LYST: variants seen among roughly 807,000 people sequenced by gnomAD.
LYST encodes the protein lysosomal trafficking regulator.
A neutral mutation model predicts 413.6 loss-of-function variants in LYST; 192 were observed. The observed-to-expected ratio is 0.46, with a 90% CI of 0.41 to 0.52. The LOEUF is 0.52. LYST is among the 20% of genes least tolerant of loss of function. LYST has a pLI of 0.00. For missense variants in LYST, 3,815 were observed against 4,499.9 expected, an observed-to-expected ratio of 0.85 and a Z score of 4.35; for synonymous variants, 1,525 against 1,567.3, an observed-to-expected ratio of 0.97 and a Z score of 0.64.
intron 10 of LYST, among the ~76,000 whole-genome samples, chr1:235,796,593 G>A (rs1671577858): frequency 6.6e-6 from 1 of 152,204 alleles, no homozygotes; most frequent in Admixed American, 6.5e-5. Flanking sequence ...GTAGTGTTAA[G>A]AGATGGGATC....
chr1:235,791,774 T>G lies in LYST; in HGVS notation c.4468A>C (p.Thr1490Pro). Reference protein sequence around the residue: ...NVECIHEAESTTEKGKKIKKR... With the variant: ...NVECIHEAESPTEKGKKIKKR... The stretch of plus-strand genomic sequence containing the variant: ...TTTATCTTCTTTCCTTTTTCTGTAG[T>G]ACTCTCAGCTTCATGGATACACTCC... Residue 1490 changes from threonine (T) to proline (P), a missense_variant, in exon 12 of 53, where the codon ACT becomes CCT. By Grantham distance (38) the Thr-to-Pro change is conservative. This residue lies in a region of LYST where 1,648 missense variants were observed against 1,810.3 expected (regional missense o/e 0.91). Coordinates refer to ENST00000389793, the MANE Select transcript of LYST (RefSeq NM_000081.4). The G allele has an allele frequency of 1.9e-6, 3 of 1,613,234 alleles. No homozygotes were observed. The highest frequency in any genetic ancestry group is 2.5e-6 in the Non-Finnish European group (3 of 1,179,158).
At chr1:235,739,197 A>G (rs1050104752) in intron 31 of LYST, among the ~76,000 whole-genome samples, 19 of 152,198 alleles carry the variant, frequency 1.2e-4, no homozygotes, top group African/African-American at 4.3e-4. Flanking sequence ...GTAGGTAGCT[A>G]TAACTTGTAG....
chr1:235,671,422 A>C (rs1658932559), intron 50 of LYST, among the ~76,000 whole-genome samples: 1 of 152,224 alleles, frequency 6.6e-6, no homozygotes, highest in African/African-American at 2.4e-5. Context: ...CATTCTGTTA[A>C]CATGATATAT....
At chr1:235,735,159 A>G (rs1436303049) in intron 31 of LYST, 1 of 152,242 alleles carries the variant, frequency 6.6e-6, no homozygotes, top group Non-Finnish European at 1.5e-5. Context: ...TGCTAAAGGA[A>G]TACAGGAAAG....
At chr1:235,816,967 T>TG (rs1674191245) in intron 3 of LYST, among the ~76,000 whole-genome samples, 1 of 152,152 alleles carries the variant, frequency 6.6e-6, no homozygotes, top group Non-Finnish European at 1.5e-5. Context: ...TTGCAAACCA[T>TG]GTATCTGACA....
At chr1:235,855,164 T>C (rs1042266422) in intron 1 of LYST, among the ~76,000 whole-genome samples, 1 of 152,180 alleles carries the variant, frequency 6.6e-6, no homozygotes, top group African/African-American at 2.4e-5. Context: ...TACTGTATTG[T>C]TTCTTTTAAA....
chr1:235,809,311 G>A lies in LYST; in HGVS notation c.1507C>T (p.Arg503Ter), dbSNP rs1558282769. 2.5e-6 allele frequency: 4 copies of A among 1,613,936 alleles called. No homozygotes were observed. Among genetic ancestry groups the A allele is most frequent in the East Asian group, 2.2e-5 (1 of 44,890 alleles). The change falls in exon 5 of 53, where the codon CGA becomes TGA. Residue 503 changes from arginine to a stop codon, truncating the protein, a stop_gained. Transcript: ENST00000389793. LOFTEE classifies it high-confidence loss of function. This position sits in a 1 kb window ranked among gnomAD's most constrained non-coding sequence, Gnocchi z 4.0. ...TGCATAAAATGAGAATATTCACATCGTCTGTGCCTTTTTCTTGTACACATC... is the reference window on the plus strand; with the variant it reads ...TGCATAAAATGAGAATATTCACATCATCTGTGCCTTTTTCTTGTACACATC... ...HSMCTRKRHR[R>*]CEYSHFMHHH...
chr1:235,705,737 C>T (rs1202175415), intron 44 of LYST, among the ~76,000 whole-genome samples: 3 of 150,232 alleles, frequency 2.0e-5, no homozygotes, highest in South Asian at 2.1e-4. Flanking sequence ...AAAGATGGTT[C>T]AGGATTATAA....
intron 3 of LYST, among the ~76,000 whole-genome samples, chr1:235,825,384 T>C (rs2102974254): frequency 6.6e-6 from 1 of 152,084 alleles, no homozygotes; most frequent in South Asian, 2.1e-4. Context: ...GCATACAAAT[T>C]GGGAAAAAAG....
chr1:235,693,887 A>AT (rs1660869139), intron 46 of LYST, among the ~76,000 whole-genome samples: 1 of 152,230 alleles, frequency 6.6e-6, no homozygotes, highest in Non-Finnish European at 1.5e-5. Context: ...TAGCAGGAAG[A>AT]TAACACTGCT....
chr1:235,757,460 T>TAA lies in LYST; in HGVS notation c.6882-4_6882-3dup. ...GGTACCAAACAGTCTTCAGTTACAC[T>TAA]AAAACAGAGACCAAAAAAGTCTTAC... On this transcript the variant is annotated splice_polypyrimidine_tract_variant and splice_region_variant and intron_variant, in intron 23 of 52. Transcript: ENST00000389793. 1 of 1,612,458 alleles carries TAA rather than the reference T, an allele frequency of 6.2e-7. No individual in the cohort carries two copies. The highest frequency in any genetic ancestry group is 8.5e-7 in the Non-Finnish European group (1 of 1,178,678).
intron 22 of LYST, among the ~76,000 whole-genome samples, chr1:235,761,144 C>T (rs973564640): frequency 2.0e-5 from 3 of 152,062 alleles, no homozygotes; most frequent in Admixed American, 6.6e-5. Flanking sequence ...AAAACATAGC[C>T]TTAAAATATT....
intron 48 of LYST, among the ~76,000 whole-genome samples, chr1:235,680,792 T>G (rs545265263): frequency 2.0e-5 from 3 of 151,848 alleles, no homozygotes; most frequent in Non-Finnish European, 4.4e-5. Context: ...AGAGAAGAGG[T>G]TTCCCCATGT....
chr1:235,838,796 C>T (rs947440336), intron 1 of LYST, among the ~76,000 whole-genome samples: 2 of 152,196 alleles, frequency 1.3e-5, no homozygotes, highest in African/African-American at 4.8e-5. Context: ...ATTTTCTCCT[C>T]TTATTTTTCT....
intron 14 of LYST, among the ~76,000 whole-genome samples, chr1:235,786,146 G>A (rs2103498404): frequency 6.6e-6 from 1 of 152,156 alleles, no homozygotes; most frequent in South Asian, 2.1e-4. Flanking sequence ...TCTGTTCTTT[G>A]ATATATAGTT....
In LYST at chr1:235,854,525, G is replaced by A. The variant is rs1440317564; in HGVS notation, c.-98+12318C>T. 6.6e-6 allele frequency among the ~76,000 whole-genome samples: 1 copy of A among 152,044 alleles called. No individual in the cohort carries two copies. The highest frequency in any genetic ancestry group is 6.6e-5 in the Admixed American group (1 of 15,262). On this transcript the variant is annotated intron_variant, in intron 1 of 52. Transcript: ENST00000389793. This position sits in a 1 kb window ranked among gnomAD's most constrained non-coding sequence, Gnocchi z 4.1. Reference sequence around the variant, plus strand: ...TAGTGCCTAGTCAATTCTCCCTCTTGACCACTTACTGGTTCACCTCTGCAT... The same window carrying A: ...TAGTGCCTAGTCAATTCTCCCTCTTAACCACTTACTGGTTCACCTCTGCAT...
chr1:235,787,101 C>G (rs1022465153), intron 14 of LYST, 99 bp downstream of exon 14: 2 of 898,866 alleles, frequency 2.2e-6, no homozygotes, highest in Non-Finnish European at 3.6e-6. Context: ...ATAGTAAAAA[C>G]CTAGAAGTTT....
rs3831362 is a variant in LYST, at chr1:235,715,131, AGTT to A, written c.9784+67_9784+69del. 22,377 of 1,166,992 alleles carry A rather than the reference AGTT, an allele frequency of 0.019. 669 individuals carry two copies. The highest frequency in any genetic ancestry group is 0.13 in the African/African-American group (8,481 of 66,562). 72.3% of individuals were successfully genotyped at this position (1,166,992 alleles called of 1,614,324 possible). Reference sequence around the variant, plus strand: ...AATAGTTCTTAAAATGTCAGTCCTAAGTTGTTGTTGTTGTTGTTGTTGTTTCTG... The same window carrying A: ...AATAGTTCTTAAAATGTCAGTCCTAAGTTGTTGTTGTTGTTGTTGTTTCTG... On this transcript the variant is annotated intron_variant, in intron 42 of 52. Coordinates refer to ENST00000389793, the MANE Select transcript of LYST (RefSeq NM_000081.4).
chr1:235,759,700 T>G (rs928574593), intron 22 of LYST, 101 bp from the exon 23 acceptor site: 1 of 833,316 alleles, frequency 1.2e-6, no homozygotes, highest in Non-Finnish European at 2.0e-6. Context: ...CCCATTTATC[T>G]AGCACTGTTA....
Sources: allele counts gnomAD v4.1 joint callset (sites outside exome capture counted in the v4.1 genomes callset), GRCh38; gene constraint gnomAD v4.1.1; regional missense constraint gnomAD v4.1.1; non-coding constraint Gnocchi (gnomAD v3.1); transcripts MANE v1.5; gene names NCBI Gene and HGNC (gene_info 2026-07-23, HGNC 2026-07-21).